Variants in MRM1 observed in about 807,000 individuals in gnomAD.
The protein encoded by MRM1 is rRNA methyltransferase 1, mitochondrial.
Under a neutral mutation model 25.0 loss-of-function variants are expected in MRM1, and 24 were observed. The observed-to-expected ratio is 0.96, with a 90% CI of 0.69 to 1.35. MRM1 has a LOEUF of 1.35. Ranked by LOEUF, MRM1 falls within the 40% of genes most tolerant of loss-of-function variation. The pLI, the probability that MRM1 is intolerant of heterozygous loss-of-function variation, is 0.00. For missense variants in MRM1, 431 were observed against 464.1 expected, an observed-to-expected ratio of 0.93 and a Z score of 0.65; for synonymous variants, 188 against 199.2, an observed-to-expected ratio of 0.94 and a Z score of 0.47.
the MRM1 span, among the ~76,000 whole-genome samples, chr17:36,625,020 G>C: frequency 6.6e-6 from 1 of 152,188 alleles, no homozygotes; most frequent in Non-Finnish European, 1.5e-5. Context: ...TTGAGTCAGG[G>C]AACCCACCTA....
chr17:36,620,690 G>T, the MRM1 span, among the ~76,000 whole-genome samples: 1 of 152,178 alleles, frequency 6.6e-6, no homozygotes, highest in Admixed American at 6.5e-5. Flanking sequence ...GAGCTCAAAG[G>T]TTCAGCCAGC....
intron 2 of MRM1, among the ~76,000 whole-genome samples, chr17:36,607,235 G>T (rs1291452707): frequency 6.6e-6 from 1 of 152,022 alleles, no homozygotes; most frequent in Non-Finnish European, 1.5e-5. Flanking sequence ...TTGAACTCCT[G>T]ACCTCAGGTA....
the MRM1 span, among the ~76,000 whole-genome samples, chr17:36,633,684 G>T: frequency 1.3e-5 from 2 of 152,122 alleles, no homozygotes; most frequent in African/African-American, 4.8e-5. Flanking sequence ...GGGAGGAGGC[G>T]TAGGCAGCCA....
chr17:36,632,680 A>T, the MRM1 span, among the ~76,000 whole-genome samples: 1 of 152,172 alleles, frequency 6.6e-6, no homozygotes, highest in Non-Finnish European at 1.5e-5. Flanking sequence ...CATGGAGAGG[A>T]TGCCATCCAG....
At position 36,602,137 on chromosome 17, in the gene MRM1, A is replaced by G. The variant is rs569167285; in HGVS notation, c.327A>G (p.Thr109=). 7.4e-6 allele frequency: 12 copies of G among 1,612,966 alleles called. No individual in the cohort carries two copies. In the East Asian group the frequency reaches 2.0e-4, roughly 27 times the overall value. ...VLRPRRQKLD[T]MCRYQVHQGV... Reference sequence around the variant, plus strand: ...GGCCCAGACGGCAGAAACTGGACACAATGTGCCGCTACCAGGTCCACCAGG... The same window carrying G: ...GGCCCAGACGGCAGAAACTGGACACGATGTGCCGCTACCAGGTCCACCAGG... The change falls in exon 1 of 5, where the codon ACA becomes ACG. Residue 109 remains threonine (T), a synonymous_variant. Coordinates refer to ENST00000614766, the MANE Select transcript of MRM1 (RefSeq NM_024864.5). This position sits in a 1 kb window ranked among gnomAD's most constrained non-coding sequence, Gnocchi z 4.1.
At position 36,605,682 on chromosome 17, in the gene MRM1, A is replaced by C. The variant is rs559539306; in HGVS notation, c.637-1988A>C. Reference sequence around the variant, plus strand: ...CTGTCAGGCGGGCATTTCAAACCTAACATTTCTAAAACTGAGCGCTTGTTC... The same window carrying C: ...CTGTCAGGCGGGCATTTCAAACCTACCATTTCTAAAACTGAGCGCTTGTTC... On this transcript the variant is annotated intron_variant, in intron 2 of 4. Coordinates refer to ENST00000614766, the MANE Select transcript of MRM1 (RefSeq NM_024864.5). Among the ~76,000 whole-genome samples, 30 of 151,602 alleles carry C rather than the reference A, an allele frequency of 2.0e-4. No individual in the cohort carries two copies. The South Asian group carries it at 6.3e-3, about 32-fold the overall frequency.
the MRM1 span, among the ~76,000 whole-genome samples, chr17:36,621,122 G>A: frequency 5.9e-5 from 9 of 152,166 alleles, no homozygotes; most frequent in Admixed American, 4.6e-4. Context: ...AGCCTGGCAG[G>A]TGCTCAGTTA....
At chr17:36,626,839 C>T in the MRM1 span, among the ~76,000 whole-genome samples, 6 of 152,166 alleles carry the variant, frequency 3.9e-5, no homozygotes, top group Non-Finnish European at 7.3e-5. Flanking sequence ...TTCTGACTGC[C>T]GGGTGAGTGT....
At chr17:36,621,755 A>G in the MRM1 span, among the ~76,000 whole-genome samples, 1 of 152,126 alleles carries the variant, frequency 6.6e-6, no homozygotes, top group Admixed American at 6.5e-5. Context: ...GGCAGGTGGC[A>G]TGGAGGGCAA....
downstream of MRM1, among the ~76,000 whole-genome samples, chr17:36,613,833 A>G (rs1224197695): frequency 1.4e-5 from 2 of 147,970 alleles, no homozygotes; most frequent in African/African-American, 5.0e-5. Flanking sequence ...GGTGGGTCAG[A>G]AGTCCGGTAC....
the MRM1 span, among the ~76,000 whole-genome samples, chr17:36,620,699 G>T: frequency 2.0e-5 from 3 of 152,216 alleles, no homozygotes; most frequent in African/African-American, 7.2e-5. Flanking sequence ...GGTTCAGCCA[G>T]CAGGGTGGGA....
In MRM1 at chr17:36,602,364, C is replaced by T; in HGVS notation, c.542+12C>T. ...AGCCGGAGAAACAGGCACGGACGTC[C>T]CTCATTCTCTATGTGCCCCAACTTG... is the stretch of plus-strand genomic sequence containing the variant. On this transcript the variant is annotated intron_variant, in intron 1 of 4. Coordinates refer to ENST00000614766, the MANE Select transcript of MRM1 (RefSeq NM_024864.5). This position sits in a 1 kb window ranked among gnomAD's most constrained non-coding sequence, Gnocchi z 4.1. 6.4e-7 allele frequency: 1 copy of T among 1,552,562 alleles called. No individual in the cohort carries two copies. The highest frequency in any genetic ancestry group is 8.7e-7 in the Non-Finnish European group (1 of 1,146,672).
the MRM1 span, among the ~76,000 whole-genome samples, chr17:36,614,603 G>A: frequency 2.6e-5 from 4 of 152,092 alleles, no homozygotes; most frequent in African/African-American, 9.7e-5. Context: ...GAATCCCCCT[G>A]TGAACAGGGC....
downstream of MRM1, among the ~76,000 whole-genome samples, chr17:36,613,160 T>C (rs1042217626): frequency 3.3e-5 from 5 of 152,032 alleles, no homozygotes; most frequent in African/African-American, 1.2e-4. Context: ...GCTGCAGGCC[T>C]GGAATATTTT....
rs2074875444 is a variant in MRM1, at chr17:36,602,023, G to A, written c.213G>A (p.Arg71=). The A allele has an allele frequency of 4.3e-6, 7 of 1,611,116 alleles. No homozygotes were observed. The highest frequency in any genetic ancestry group is 5.9e-6 in the Non-Finnish European group (7 of 1,178,904). ...AGGCCGCCCGCCGCTCTGTGGCCCG[G>A]CTCCTGCTCCAGGCGGGTAAAGCTG... The part of the protein sequence containing the change: ...ALQAARRSVA[R]LLLQAGKAGL... Residue 71 remains arginine (R), a synonymous_variant, in exon 1 of 5, where the codon CGG becomes CGA. Coordinates refer to ENST00000614766, the MANE Select transcript of MRM1 (RefSeq NM_024864.5). This position sits in a 1 kb window ranked among gnomAD's most constrained non-coding sequence, Gnocchi z 4.1.
At position 36,607,075 on chromosome 17, in the gene MRM1, C is replaced by T. The variant is rs190209488; in HGVS notation, c.637-595C>T. Among the ~76,000 whole-genome samples, 719 of 151,666 alleles carry T rather than the reference C, an allele frequency of 4.7e-3. 5 individuals carry two copies. The highest frequency in any genetic ancestry group is 0.017 in the African/African-American group (683 of 41,332). ...GATTACAGGCATGCACCACCATGCC[C>T]GGCTAATTTTGTATTTTTAGTAGAG... On this transcript the variant is annotated intron_variant, in intron 2 of 4. Coordinates refer to ENST00000614766, the MANE Select transcript of MRM1 (RefSeq NM_024864.5).
At position 36,601,697 on chromosome 17, in the gene MRM1, C is replaced by G; in HGVS notation, c.-114C>G. 1 of 1,127,178 alleles carries G rather than the reference C, an allele frequency of 8.9e-7. No individual in the cohort carries two copies. Among genetic ancestry groups the G allele is most frequent in the Admixed American group, 2.8e-5 (1 of 35,344 alleles). 69.8% of individuals were successfully genotyped at this position (1,127,178 alleles called of 1,614,324 possible). A position where few individuals can be genotyped will look rare whatever the true frequency, so the allele number is the denominator to read the frequency against. On this transcript the variant is annotated 5_prime_UTR_variant, in exon 1 of 5. Coordinates refer to ENST00000614766, the MANE Select transcript of MRM1 (RefSeq NM_024864.5). ...CCTGTCCGAGAGAGCTCGGCGGAGA[C>G]GGCTGTCGAGTACCCTTCACCTCGG... is the stretch of plus-strand genomic sequence containing the variant.
At chr17:36,633,292 G>C in the MRM1 span, among the ~76,000 whole-genome samples, 153 of 152,302 alleles carry the variant, frequency 1.0e-3, no homozygotes, top group East Asian at 0.014. Flanking sequence ...TGGAGGGGGA[G>C]CCCCCTATCT....
At position 36,602,057 on chromosome 17, in the gene MRM1, G is replaced by A. The variant is rs771729340; in HGVS notation, c.247G>A (p.Gly83Arg). Residue 83 changes from glycine to arginine, a missense_variant, in exon 1 of 5, where the codon GGG (glycine) becomes AGG (arginine). Gly to Arg is a moderately radical substitution (Grantham distance 125, BLOSUM62 -2). Coordinates refer to ENST00000614766, the MANE Select transcript of MRM1 (RefSeq NM_024864.5). The surrounding 1 kb of genome is among the most constrained non-coding windows in gnomAD (Gnocchi z 4.1). ...CCAGGCGGGTAAAGCTGGGCTGCAG[G>A]GGAAGCGGGCCGAGCTGCTCCGGAT... ...LLQAGKAGLQ[G>R]KRAELLRMAE... The A allele has an allele frequency of 5.0e-6, 8 of 1,610,000 alleles. No individual in the cohort carries two copies. The highest frequency in any genetic ancestry group is 1.7e-5 in the Admixed American group (1 of 59,972).
Sources: allele counts gnomAD v4.1 joint callset (sites outside exome capture counted in the v4.1 genomes callset), GRCh38; gene constraint gnomAD v4.1.1; non-coding constraint Gnocchi (gnomAD v3.1); transcripts MANE v1.5; gene names NCBI Gene and HGNC (gene_info 2026-07-23, HGNC 2026-07-21).